Variants in CSMD1 observed in about 807,000 individuals in gnomAD.
The protein encoded by CSMD1 is CUB and Sushi multiple domains 1.
In CSMD1, 213 loss-of-function variants were observed where a neutral mutation model predicts 417.5. The observed-to-expected ratio is 0.51, with a 90% CI of 0.46 to 0.57. The LOEUF is 0.57. CSMD1 is among the 20% of genes least tolerant of loss of function. The pLI, the probability that CSMD1 is intolerant of heterozygous loss-of-function variation, is 0.00. For missense variants in CSMD1, 6,923 were observed against 4,529.7 expected (o/e 1.53, Z -15.17); for synonymous variants, 2,862 against 1,736.8 (o/e 1.65, Z -16.11).
At chr8:4,545,164 C>T (rs563277951) in intron 2 of CSMD1, among the ~76,000 whole-genome samples, 1 of 152,122 alleles carries the variant, frequency 6.6e-6, no homozygotes, top group Admixed American at 6.6e-5. Context: ...TCTTAAAAAT[C>T]ATATTTGTGA....
chr8:3,714,060 A>ATAGATAGG (rs1326395243), intron 6 of CSMD1, among the ~76,000 whole-genome samples: 2 of 150,930 alleles, frequency 1.3e-5, no homozygotes, highest in Admixed American at 1.3e-4. Flanking sequence ...AGATAGATAG[A>ATAGATAGG]TGTCCACATA....
intron 3 of CSMD1, among the ~76,000 whole-genome samples, chr8:4,033,713 G>A (rs917439766): frequency 6.6e-6 from 1 of 152,228 alleles, no homozygotes; most frequent in East Asian, 1.9e-4. Context: ...TACACAGTTT[G>A]ACTCTTTTCA....
At chr8:4,772,441 A>T (rs548791259) in intron 1 of CSMD1, among the ~76,000 whole-genome samples, 2 of 152,312 alleles carry the variant, frequency 1.3e-5, no homozygotes, top group East Asian at 3.9e-4. Flanking sequence ...TTTAAGGCCT[A>T]TAGCTTTAAT....
intron 3 of CSMD1, among the ~76,000 whole-genome samples, chr8:4,188,764 T>G (rs1798836094): frequency 6.6e-6 from 1 of 151,242 alleles, no homozygotes; most frequent in Non-Finnish European, 1.5e-5. Context: ...TACACAGATT[T>G]TTAGTAGGAA....
intron 3 of CSMD1, among the ~76,000 whole-genome samples, chr8:4,218,070 T>A (rs536241894): frequency 6.6e-6 from 1 of 152,334 alleles, no homozygotes; most frequent in South Asian, 2.1e-4. Context: ...CACTGATGCC[T>A]GAGGTTGCAA....
At chr8:3,678,584 G>T (rs1216407350) in intron 7 of CSMD1, among the ~76,000 whole-genome samples, 1 of 152,142 alleles carries the variant, frequency 6.6e-6, no homozygotes, top group African/African-American at 2.4e-5. Flanking sequence ...GAGTGACGGG[G>T]AGAATGGAAA....
At chr8:3,783,701 T>A (rs1042121788) in intron 5 of CSMD1, among the ~76,000 whole-genome samples, 1 of 152,270 alleles carries the variant, frequency 6.6e-6, no homozygotes, top group Non-Finnish European at 1.5e-5. Context: ...GAGGCTCCCC[T>A]CCCCTTTGCT....
intron 1 of CSMD1, among the ~76,000 whole-genome samples, chr8:4,990,612 G>T (rs1374458376): frequency 1.3e-5 from 2 of 152,258 alleles, no homozygotes; most frequent in East Asian, 3.9e-4. Flanking sequence ...ACCCACCTCA[G>T]CCTCCCAAAG....
chr8:4,364,481 T>G (rs7813162), intron 3 of CSMD1, among the ~76,000 whole-genome samples: 61,341 of 151,726 alleles, frequency 0.4, 15,327 homozygotes, highest in African/African-American at 0.71. Context: ...TACAATTTCC[T>G]CTCTTGCTTT....
chr8:3,789,401 T>C (rs200281504), intron 5 of CSMD1, among the ~76,000 whole-genome samples: 2 of 31,732 alleles, frequency 6.3e-5, no homozygotes, highest in Admixed American at 4.8e-4. Flanking sequence ...TTTTTTTTTT[T>C]AAGTAAGTTT....
chr8:4,843,467 G>A (rs1391612572), intron 1 of CSMD1, among the ~76,000 whole-genome samples: 1 of 152,024 alleles, frequency 6.6e-6, no homozygotes, highest in Non-Finnish European at 1.5e-5. Context: ...AACCGAGAGA[G>A]AAATTGTGTG....
At chr8:4,324,188 C>G (rs1410079111) in intron 3 of CSMD1, among the ~76,000 whole-genome samples, 3 of 152,194 alleles carry the variant, frequency 2.0e-5, no homozygotes, top group Admixed American at 2.0e-4. Flanking sequence ...AAATATAGAA[C>G]AAAGTAAACT....
chr8:4,479,878 A>G (rs1473938910), intron 2 of CSMD1, among the ~76,000 whole-genome samples: 1 of 151,750 alleles, frequency 6.6e-6, no homozygotes, highest in East Asian at 1.9e-4. Context: ...AGGCAGGAGA[A>G]TTGCTTGAAC....
intron 7 of CSMD1, among the ~76,000 whole-genome samples, chr8:3,662,326 A>C (rs1585036413): frequency 6.6e-6 from 1 of 152,106 alleles, no homozygotes; most frequent in Admixed American, 6.5e-5. Flanking sequence ...TAAACAGTTA[A>C]ATGGTTTCTT....
intron 26 of CSMD1, among the ~76,000 whole-genome samples, chr8:3,265,731 C>A (rs1340094804): frequency 1.3e-5 from 2 of 152,142 alleles, no homozygotes; most frequent in South Asian, 4.1e-4. Flanking sequence ...AGGGCCCTAG[C>A]TTTTACCTTT....
rs367760241 is a variant in CSMD1 at position 3,060,296 on chromosome 8, C to T, written c.7475-7649G>A. On this transcript the variant is annotated intron_variant, in intron 49 of 69. Coordinates refer to ENST00000635120, the MANE Select transcript of CSMD1 (RefSeq NM_033225.6). ...GAGTAGCTGGGATTACAGGCGTGCA[C>T]CACTGTGCCTAGCTAATTTTTGTAT... 8.5e-4 allele frequency among the ~76,000 whole-genome samples: 129 copies of T among 152,092 alleles called. 1 individual carries two copies. Among genetic ancestry groups the T allele is most frequent in the African/African-American group, 2.7e-3 (112 of 41,484 alleles).
chr8:4,889,887 T>C (rs868253220), intron 1 of CSMD1, among the ~76,000 whole-genome samples: 1 of 152,136 alleles, frequency 6.6e-6, no homozygotes, highest in African/African-American at 2.4e-5. Context: ...TCAAAATGTA[T>C]AGCAATTTGT....
chr8:3,705,530 G>A (rs577081299), intron 7 of CSMD1, among the ~76,000 whole-genome samples: 2 of 152,136 alleles, frequency 1.3e-5, no homozygotes, highest in African/African-American at 4.8e-5. Flanking sequence ...TCCCAGGGGA[G>A]TCTTCTGAAA....
intron 3 of CSMD1, among the ~76,000 whole-genome samples, chr8:4,363,281 C>T (rs1320775246): frequency 6.6e-6 from 1 of 152,162 alleles, no homozygotes; most frequent in Non-Finnish European, 1.5e-5. Flanking sequence ...GGAGCCTTTT[C>T]AAAGTTTTTC....
Sources: allele counts gnomAD v4.1 joint callset (sites outside exome capture counted in the v4.1 genomes callset), GRCh38; gene constraint gnomAD v4.1.1; transcripts MANE v1.5; gene names NCBI Gene and HGNC (gene_info 2026-07-23, HGNC 2026-07-21).